Variants in RNF19A observed in about 807,000 individuals in gnomAD.
The protein encoded by RNF19A is E3 ubiquitin-protein ligase RNF19A.
RNF19A carries 32 observed loss-of-function variants against 75.7 expected under a neutral mutation model. The ratio of observed to expected loss-of-function variants is 0.42; its 90% confidence interval spans 0.32 to 0.57. The LOEUF is 0.57. Ranked by LOEUF, RNF19A falls within the 20% of genes least tolerant of loss-of-function variation. The probability of loss-of-function intolerance (pLI) is 0.10; values close to 1 mark genes in which losing one functional copy is unlikely to be tolerated. For missense variants in RNF19A, 782 were observed against 1,036.3 expected (o/e 0.75, Z 3.37); for synonymous variants, 335 against 345.2 (o/e 0.97, Z 0.33).
At chr8:100,310,295 C>A, upstream of RNF19A, 2 of 962,688 alleles carry the variant, frequency 2.1e-6, no homozygotes, top group Non-Finnish European at 2.5e-6. Flanking sequence ...GGAGCCGCCC[C>A]GCTGCACCCG....
chr8:100,292,174 C>T (rs1301451180), intron 1 of RNF19A, among the ~76,000 whole-genome samples: 7 of 151,808 alleles, frequency 4.6e-5, no homozygotes, highest in Non-Finnish European at 1.0e-4. Context: ...TATTAAACTT[C>T]AGCACATGCT....
rs145624476 is a variant in RNF19A at position 100,272,458 on chromosome 8, C to G, written c.884-2445G>C. On this transcript the variant is annotated intron_variant, in intron 3 of 9. Coordinates refer to ENST00000341084, the MANE Select transcript of RNF19A (RefSeq NM_183419.4). ...GATACAGAAAACAATACCAAAATATCTGGAATAATAATAAAACCATTTAGA... is the reference window on the plus strand; with the variant it reads ...GATACAGAAAACAATACCAAAATATGTGGAATAATAATAAAACCATTTAGA... Among the ~76,000 whole-genome samples, 785 of 151,910 alleles carry G rather than the reference C, an allele frequency of 5.2e-3. 6 individuals carry two copies. Among genetic ancestry groups the G allele is most frequent in the African/African-American group, 0.018 (750 of 41,444 alleles).
At chr8:100,334,728 C>CA (rs1179404456) in intron 1 of RNF19A, among the ~76,000 whole-genome samples, 1 of 152,194 alleles carries the variant, frequency 6.6e-6, no homozygotes, top group Non-Finnish European at 1.5e-5. Context: ...GGCGTGCACC[C>CA]ATTCAGCACT....
At chr8:100,296,833 G>T (rs1174014840) in intron 1 of RNF19A, among the ~76,000 whole-genome samples, 2 of 152,166 alleles carry the variant, frequency 1.3e-5, no homozygotes, top group African/African-American at 2.4e-5. Flanking sequence ...TATTCCAGTT[G>T]AAGGTGCAAC....
chr8:100,316,000 G>A (rs958065803), intron 1 of RNF19A, among the ~76,000 whole-genome samples: 1 of 152,194 alleles, frequency 6.6e-6, no homozygotes, highest in African/African-American at 2.4e-5. Context: ...GAATGAAGCC[G>A]TGGACCCTTG....
rs184985951 is a variant in RNF19A at position 100,287,102 on chromosome 8, C to A, written c.674+399G>T. Among the ~76,000 whole-genome samples the A allele has an allele frequency of 4.0e-5, 6 of 151,728 alleles. No homozygotes were observed. Among genetic ancestry groups the A allele is most frequent in the Non-Finnish European group, 5.9e-5 (4 of 67,870 alleles). ...TTATCTCATATGAGAAACATGTCAA[C>A]AAAGAGAAAAAAAATAAAGAAGGTC... is the stretch of plus-strand genomic sequence containing the variant. On this transcript the variant is annotated intron_variant, in intron 2 of 9. Coordinates refer to ENST00000341084, the MANE Select transcript of RNF19A (RefSeq NM_183419.4). This position sits in a 1 kb window ranked among gnomAD's most constrained non-coding sequence, Gnocchi z 4.1.
At chr8:100,263,860 C>T (rs1160637826) in intron 7 of RNF19A, among the ~76,000 whole-genome samples, 174 bp downstream of exon 7, 1 of 152,192 alleles carries the variant, frequency 6.6e-6, no homozygotes, top group Admixed American at 6.5e-5. Flanking sequence ...ACCCCCACCT[C>T]TTTCATCCAT....
Position 100,287,743 on chromosome 8 carries a change from A to T in RNF19A, c.432T>A (p.Phe144Leu). The change falls in exon 2 of 10, where the codon TTT (phenylalanine) becomes TTA (leucine). Residue 144 changes from phenylalanine (F) to leucine (L), a missense_variant. By Grantham distance (22) the Phe-to-Leu change is conservative. This residue lies in a region of RNF19A where 85 missense variants were observed against 177.7 expected (regional missense o/e 0.48). Coordinates refer to ENST00000341084, the MANE Select transcript of RNF19A (RefSeq NM_183419.4). The surrounding 1 kb of genome is among the most constrained non-coding windows in gnomAD (Gnocchi z 4.1). ...TGTGATGACAAGTCATTATATCAGG[A>T]AATCTGTCTTTAGAATGCCGCAAAA... Reference protein sequence around the residue: ...LCLLRHSKDRFPDIMTCHHRS... With the variant: ...LCLLRHSKDRLPDIMTCHHRS... 1 of 1,614,148 alleles carries T rather than the reference A, an allele frequency of 6.2e-7. No homozygotes were observed. Among genetic ancestry groups the T allele is most frequent in the East Asian group, 2.2e-5 (1 of 44,874 alleles).
At position 100,258,012 on chromosome 8, in the gene RNF19A, C is replaced by A; in HGVS notation, c.*544G>T. On this transcript the variant is annotated 3_prime_UTR_variant, in exon 10 of 10. Transcript: ENST00000341084. The surrounding 1 kb of genome is among the most constrained non-coding windows in gnomAD (Gnocchi z 4.3). ...AAGTGTCTAAGTATCCAAATGGTAG[C>A]AAATGAGCTGCATTAAGCTTTATAT... 1 of 398,582 alleles carries A rather than the reference C, an allele frequency of 2.5e-6. No homozygotes were observed. Among genetic ancestry groups the A allele is most frequent in the Non-Finnish European group, 4.4e-6 (1 of 225,894 alleles). 24.7% of individuals were successfully genotyped at this position (398,582 alleles called of 1,614,324 possible).
rs1314789762 is a variant in RNF19A, at chr8:100,269,339, G to A, written c.1029-392C>T. Reference sequence around the variant, plus strand: ...CACAAACTCACTCTGTAGCCTAAACGATAAAATTTATGTATGGGAAAATTC... The same window carrying A: ...CACAAACTCACTCTGTAGCCTAAACAATAAAATTTATGTATGGGAAAATTC... On this transcript the variant is annotated intron_variant, in intron 4 of 9. Transcript: ENST00000341084. This position sits in a 1 kb window ranked among gnomAD's most constrained non-coding sequence, Gnocchi z 5.7. Among the ~76,000 whole-genome samples the A allele has an allele frequency of 1.3e-5, 2 of 148,544 alleles. No individual in the cohort carries two copies. The highest frequency in any genetic ancestry group is 5.0e-5 in the African/African-American group (2 of 40,220).
intron 1 of RNF19A, among the ~76,000 whole-genome samples, chr8:100,319,516 C>G (rs1822433640): frequency 6.7e-6 from 1 of 148,666 alleles, no homozygotes; most frequent in African/African-American, 2.5e-5. Context: ...GAAGTTTTAC[C>G]TATCTGGTTC....
intron 3 of RNF19A, among the ~76,000 whole-genome samples, chr8:100,271,176 A>G (rs923868331): frequency 6.0e-5 from 9 of 150,752 alleles, no homozygotes; most frequent in African/African-American, 2.2e-4. Context: ...TTTTTAACTT[A>G]AGATCTGGTC....
rs762220677 is a variant in RNF19A at position 100,287,647 on chromosome 8, G to A, written c.528C>T (p.Cys176=). ...GATTAAACCGTTCAGTACATTCTGG[G>A]CAACTAATATTAACTCTGCTTTCAG... ...EISESRVNIS[C]PECTERFNPH... Residue 176 remains cysteine (C), a synonymous_variant, in exon 2 of 10, where the codon TGC becomes TGT. Coordinates refer to ENST00000341084, the MANE Select transcript of RNF19A (RefSeq NM_183419.4). The surrounding 1 kb of genome is among the most constrained non-coding windows in gnomAD (Gnocchi z 4.1). 1.2e-6 allele frequency: 2 copies of A among 1,613,996 alleles called. No homozygotes were observed. Among genetic ancestry groups the A allele is most frequent in the Admixed American group, 1.7e-5 (1 of 60,020 alleles).
chr8:100,283,046 T>C (rs1820854514), intron 2 of RNF19A, among the ~76,000 whole-genome samples: 1 of 152,224 alleles, frequency 6.6e-6, no homozygotes, highest in Non-Finnish European at 1.5e-5. Flanking sequence ...GGTTAGCCTG[T>C]GGTTCCAAAA....
In RNF19A at chr8:100,259,049, CTTT is replaced by C; in HGVS notation, c.2021_2023del (p.Lys674del). 2 of 1,614,188 alleles carry C rather than the reference CTTT, an allele frequency of 1.2e-6. No homozygotes were observed. Among genetic ancestry groups the C allele is most frequent in the Non-Finnish European group, 1.7e-6 (2 of 1,180,042 alleles). On this transcript the variant is annotated inframe_deletion, in exon 10 of 10. Transcript: ENST00000341084. This position sits in a 1 kb window ranked among gnomAD's most constrained non-coding sequence, Gnocchi z 4.5. The stretch of plus-strand genomic sequence containing the variant: ...GTTACCCTTTTTCCTCAGTTTACCA[CTTT>C]TTGATTTTTTCCCTGCTGTTGCTTC...
chr8:100,273,724 C>G (rs1209039831), intron 3 of RNF19A, among the ~76,000 whole-genome samples: 3 of 152,128 alleles, frequency 2.0e-5, no homozygotes, highest in African/African-American at 7.2e-5. Flanking sequence ...TTACTATGAG[C>G]CAGGAACTAT....
Position 100,330,254 on chromosome 8 carries a change from G to A in RNF19A, c.-243+5854C>T, listed in dbSNP as rs1240954421. Among the ~76,000 whole-genome samples the A allele has an allele frequency of 2.6e-5, 4 of 152,132 alleles. No individual in the cohort carries two copies. The highest frequency in any genetic ancestry group is 3.2e-3 in the Middle Eastern group (1 of 316). ...TTTGTTAAGGAAGGGAACAACTGTC[G>A]TTTGATCTTGTTTTTGACCATAGTG... is the stretch of plus-strand genomic sequence containing the variant. On this transcript the variant is annotated intron_variant, in intron 1 of 3. Coordinates refer to the RNF19A transcript ENST00000519527. This position sits in a 1 kb window ranked among gnomAD's most constrained non-coding sequence, Gnocchi z 4.1.
Position 100,287,811 on chromosome 8 carries a change from T to C in RNF19A, c.364A>G (p.Ile122Val). The change falls in exon 2 of 10, where the codon ATC becomes GTC. Residue 122 changes from isoleucine (I) to valine (V), a missense_variant. By Grantham distance (29) the Ile-to-Val change is conservative (BLOSUM62 3). Around this residue, in one of 7 missense-constraint regions of RNF19A, gnomAD observed 148 missense variants for 147.9 expected, o/e 1.00. Transcript: ENST00000341084. This position sits in a 1 kb window ranked among gnomAD's most constrained non-coding sequence, Gnocchi z 4.1. ...ATGAAGTCTCCAATTTGTTTGCTGA[T>C]GGAAGTTAATCCATTGTCAGAAGAG... ...NTSSDNGLTS[I>V]SKQIGDFIEC... The C allele has an allele frequency of 1.9e-6, 3 of 1,614,248 alleles. No individual in the cohort carries two copies.
chr8:100,309,275 G>A, intron 1 of RNF19A: 1 of 978,654 alleles, frequency 1.0e-6, no homozygotes, highest in Non-Finnish European at 1.2e-6. Context: ...TTTTGAAGGA[G>A]GTGGTAGCAG....
Sources: allele counts gnomAD v4.1 joint callset (sites outside exome capture counted in the v4.1 genomes callset), GRCh38; gene constraint gnomAD v4.1.1; regional missense constraint gnomAD v4.1.1; non-coding constraint Gnocchi (gnomAD v3.1); transcripts MANE v1.5; gene names NCBI Gene and HGNC (gene_info 2026-07-23, HGNC 2026-07-21).